WWOX: variants seen among roughly 807,000 people sequenced by gnomAD.
The protein encoded by WWOX is WW domain-containing oxidoreductase.
In WWOX, 69 loss-of-function variants were observed where a neutral mutation model predicts 46.2. The observed-to-expected ratio is 1.49, with a 90% CI of 1.23 to 1.82. The LOEUF (loss-of-function observed/expected upper bound fraction) is 1.82, where lower values mean the gene tolerates loss of function less well. Among genes scored for constraint, WWOX ranks in the 40% most tolerant of loss-of-function variants. The pLI, the probability that WWOX is intolerant of heterozygous loss-of-function variation, is 0.00. For synonymous variants in WWOX, 359 were observed against 202.6 expected (o/e 1.77, Z -6.56); for missense variants, 919 against 542.6 (o/e 1.69, Z -6.89).
chr16:78,518,932 G>C (rs1316538761), intron 8 of WWOX, among the ~76,000 whole-genome samples: 2 of 152,216 alleles, frequency 1.3e-5, no homozygotes, highest in African/African-American at 4.8e-5. Context: ...GTGGTCTTCT[G>C]AAGTATAGGA....
At chr16:78,472,578 G>C (rs1000525088) in intron 8 of WWOX, among the ~76,000 whole-genome samples, 4 of 152,056 alleles carry the variant, frequency 2.6e-5, no homozygotes, top group Non-Finnish European at 5.9e-5. Context: ...GAAGGCCAAG[G>C]CGGGTGGATC....
chr16:79,040,753 C>G (rs1417460975), intron 8 of WWOX, among the ~76,000 whole-genome samples: 1 of 152,048 alleles, frequency 6.6e-6, no homozygotes, highest in Admixed American at 6.6e-5. Context: ...GACTTGTCAG[C>G]CAGGGAACCT....
rs546578100 is a variant in WWOX at position 78,261,374 on chromosome 16, T to A, written c.516+97085T>A. Among the ~76,000 whole-genome samples the A allele has an allele frequency of 1.1e-3, 168 of 150,306 alleles. 1 individual carries two copies. The highest frequency in any genetic ancestry group is 0.01 in the Middle Eastern group (3 of 292). ...AAGCTATGATTGCACCACTGCATTC[T>A]AGCCTAGGCGACAGAGCAAGACCCT... On this transcript the variant is annotated intron_variant, in intron 5 of 8. Coordinates refer to ENST00000566780, the MANE Select transcript of WWOX (RefSeq NM_016373.4).
intron 8 of WWOX, among the ~76,000 whole-genome samples, chr16:78,769,870 T>C (rs1269197170): frequency 1.3e-5 from 2 of 150,848 alleles, no homozygotes; most frequent in Non-Finnish European, 2.9e-5. Context: ...AATAAAAAAA[T>C]AAAAATAAAA....
intron 6 of WWOX, among the ~76,000 whole-genome samples, chr16:78,422,946 C>G (rs1201460225): frequency 2.7e-5 from 4 of 149,490 alleles, no homozygotes; most frequent in South Asian, 2.1e-4. Context: ...GGTGCAGTGA[C>G]ATGATCTCTG....
At chr16:78,813,811 T>G (rs1288663439) in intron 8 of WWOX, among the ~76,000 whole-genome samples, 1 of 152,204 alleles carries the variant, frequency 6.6e-6, no homozygotes, top group Non-Finnish European at 1.5e-5. Context: ...TTTTATTTTT[T>G]TTCTCCCTTC....
At chr16:79,139,241 A>G (rs1340631703) in intron 8 of WWOX, among the ~76,000 whole-genome samples, 1 of 152,222 alleles carries the variant, frequency 6.6e-6, no homozygotes, top group African/African-American at 2.4e-5. Context: ...ATGCAGAGAG[A>G]AGGACAGATT....
intron 8 of WWOX, among the ~76,000 whole-genome samples, chr16:79,134,079 G>C (rs892720769): frequency 6.6e-6 from 1 of 152,082 alleles, no homozygotes; most frequent in African/African-American, 2.4e-5. Context: ...TCACTATGAA[G>C]AATGGGCCTG....
At chr16:78,508,528 G>A (rs941235440) in intron 8 of WWOX, among the ~76,000 whole-genome samples, 1 of 152,090 alleles carries the variant, frequency 6.6e-6, no homozygotes, top group Non-Finnish European at 1.5e-5. Flanking sequence ...TGATGTCGGA[G>A]TGTTCTCTAG....
intron 8 of WWOX, among the ~76,000 whole-genome samples, chr16:78,601,796 G>A (rs1049747285): frequency 6.6e-6 from 1 of 152,170 alleles, no homozygotes; most frequent in East Asian, 1.9e-4. Flanking sequence ...GATTTTCTCT[G>A]CGGAAGAGTA....
At chr16:78,120,462 C>G (rs1007130189) in intron 4 of WWOX, among the ~76,000 whole-genome samples, 1 of 151,524 alleles carries the variant, frequency 6.6e-6, no homozygotes, top group African/African-American at 2.4e-5. Context: ...CCCAGCTACT[C>G]GGGAGGCTGA....
intron 8 of WWOX, among the ~76,000 whole-genome samples, chr16:78,985,835 G>A (rs1286700884): frequency 2.6e-5 from 4 of 152,220 alleles, no homozygotes; most frequent in African/African-American, 7.2e-5. Flanking sequence ...TGACCACTCC[G>A]GAAGGAGTGT....
chr16:78,588,787 T>C (rs1157160302), intron 8 of WWOX, among the ~76,000 whole-genome samples: 13 of 152,206 alleles, frequency 8.5e-5, no homozygotes, highest in Non-Finnish European at 1.5e-5. Flanking sequence ...ATATGCTTTT[T>C]GGCATTAGGA....
intron 8 of WWOX, among the ~76,000 whole-genome samples, chr16:78,906,154 G>A (rs549254577): frequency 6.6e-5 from 10 of 152,230 alleles, no homozygotes; most frequent in East Asian, 3.9e-4. Context: ...AATCCTCAGC[G>A]AAACCTCAGC....
chr16:78,227,244 A>C (rs1287642421), intron 5 of WWOX, among the ~76,000 whole-genome samples: 1 of 152,218 alleles, frequency 6.6e-6, no homozygotes, highest in East Asian at 1.9e-4. Flanking sequence ...TTTAAGGTTA[A>C]GGAATTCGTA....
chr16:78,866,124 T>C (rs947696583), intron 8 of WWOX, among the ~76,000 whole-genome samples: 10 of 152,198 alleles, frequency 6.6e-5, no homozygotes, highest in African/African-American at 2.4e-4. Flanking sequence ...TCTCTTTCTC[T>C]TCCATAACAT....
intron 8 of WWOX, among the ~76,000 whole-genome samples, chr16:78,448,964 G>C (rs1280585778): frequency 6.6e-6 from 1 of 152,174 alleles, no homozygotes; most frequent in Non-Finnish European, 1.5e-5. Context: ...CAGCTGGTCT[G>C]GTTACAGAGG....
intron 4 of WWOX, among the ~76,000 whole-genome samples, chr16:78,124,776 T>A (rs919922544): frequency 3.9e-5 from 6 of 152,208 alleles, no homozygotes; most frequent in Non-Finnish European, 8.8e-5. Context: ...ATGGTTTTAC[T>A]TTTTGTGATT....
chr16:78,978,853 C>G (rs2151331249), intron 8 of WWOX, among the ~76,000 whole-genome samples: 1 of 152,314 alleles, frequency 6.6e-6, no homozygotes. Context: ...ACCTCCAACA[C>G]TGGGGATTAC....
Sources: allele counts gnomAD v4.1 joint callset (sites outside exome capture counted in the v4.1 genomes callset), GRCh38; gene constraint gnomAD v4.1.1; transcripts MANE v1.5; gene names NCBI Gene and HGNC (gene_info 2026-07-23, HGNC 2026-07-21).